The following UBAP2 variants were observed in gnomAD, a reference collection of about 807,000 sequenced individuals.
UBAP2 encodes ubiquitin-associated protein 2.
Under a neutral mutation model 139.6 loss-of-function variants are expected in UBAP2, and 75 were observed. The ratio of observed to expected loss-of-function variants is 0.54; its 90% CI spans 0.45 to 0.65. The LOEUF (loss-of-function observed/expected upper bound fraction) is 0.65, where lower values mean the gene tolerates loss of function less well. Ranked by LOEUF, UBAP2 falls within the 30% of genes least tolerant of loss-of-function variation. The pLI, the probability that UBAP2 is intolerant of heterozygous loss-of-function variation, is 0.00. For synonymous variants in UBAP2, 526 were observed against 526.2 expected, an observed-to-expected ratio of 1.00 and a Z score of 0.01; for missense variants, 1,368 against 1,369.6, an observed-to-expected ratio of 1.00 and a Z score of 0.02.
intron 15 of UBAP2, among the ~76,000 whole-genome samples, chr9:33,942,128 A>G (rs1213108808): frequency 6.6e-6 from 1 of 151,942 alleles, no homozygotes; most frequent in Non-Finnish European, 1.5e-5. Context: ...CCTTGCCAAC[A>G]TGGTGAAACC....
intron 1 of UBAP2, among the ~76,000 whole-genome samples, chr9:34,035,514 A>AAAAAAAAAAAAATATATATATATAT: frequency 4.4e-5 from 1 of 22,490 alleles, no homozygotes; most frequent in Non-Finnish European, 9.8e-5. Context: ...AAAAAAAAAA[A>AAAAAAAAAAAAATATATATATATAT]ATATATATAT....
intron 1 of UBAP2, among the ~76,000 whole-genome samples, chr9:34,044,923 C>A (rs1030229200): frequency 6.6e-6 from 1 of 152,142 alleles, no homozygotes; most frequent in African/African-American, 2.4e-5. Context: ...AACACCTACT[C>A]TACTCCTTAA....
At chr9:34,012,224 T>A (rs10465080) in intron 2 of UBAP2, among the ~76,000 whole-genome samples, 37,626 of 152,140 alleles carry the variant, frequency 0.25, 5,428 homozygotes, top group East Asian at 0.55. Context: ...TATTCCACAA[T>A]CTAATTAGCT....
At chr9:34,034,171 G>T (rs1437585493) in intron 1 of UBAP2, among the ~76,000 whole-genome samples, 1 of 152,130 alleles carries the variant, frequency 6.6e-6, no homozygotes, top group Non-Finnish European at 1.5e-5. Context: ...ATTTATAAAA[G>T]TTCAACATAC....
At chr9:34,008,961 C>CAAAA (rs773189067) in intron 2 of UBAP2, among the ~76,000 whole-genome samples, 1 of 65,716 alleles carries the variant, frequency 1.5e-5, no homozygotes, top group African/African-American at 6.4e-5. Flanking sequence ...GAGACTGTCT[C>CAAAA]AAAAAAAAAA....
At chr9:33,980,507 C>T (rs534180309) in intron 6 of UBAP2, among the ~76,000 whole-genome samples, 2 of 151,804 alleles carry the variant, frequency 1.3e-5, no homozygotes, top group Non-Finnish European at 2.9e-5. Context: ...TCCCAAAGTG[C>T]TGGGATTACA....
intron 4 of UBAP2, chr9:33,995,381 A>G (rs1265109288): frequency 1.4e-5 from 2 of 138,412 alleles, no homozygotes; most frequent in East Asian, 2.4e-4. Context: ...ATATAAATAT[A>G]TATATTAAAT....
At chr9:34,010,794 C>T (rs1197943901) in intron 2 of UBAP2, among the ~76,000 whole-genome samples, 2 of 152,038 alleles carry the variant, frequency 1.3e-5, no homozygotes, top group African/African-American at 4.8e-5. Flanking sequence ...TTATGGATTA[C>T]TTGTGGCTAT....
intron 18 of UBAP2, among the ~76,000 whole-genome samples, chr9:33,933,284 A>G (rs10971802): frequency 0.079 from 11,972 of 152,202 alleles, 669 homozygotes; most frequent in Non-Finnish European, 0.12. Context: ...CTGTGCCAGC[A>G]GAGGCGGTAC....
chr9:34,040,778 G>A (rs1205020772), intron 1 of UBAP2, among the ~76,000 whole-genome samples: 3 of 152,160 alleles, frequency 2.0e-5, no homozygotes, highest in African/African-American at 7.2e-5. Context: ...CATCCACTCT[G>A]TGTATAAGCT....
At chr9:33,974,387 G>T (rs529755695) in intron 6 of UBAP2, among the ~76,000 whole-genome samples, 3 of 152,172 alleles carry the variant, frequency 2.0e-5, no homozygotes, top group African/African-American at 7.2e-5. Flanking sequence ...CATGCCTGTA[G>T]TCCCAACTAC....
At chr9:34,032,705 C>T (rs1212457332) in intron 1 of UBAP2, among the ~76,000 whole-genome samples, 1 of 152,122 alleles carries the variant, frequency 6.6e-6, no homozygotes. Context: ...AGGCGGATCA[C>T]TTGAGGTCCG....
intron 8 of UBAP2, among the ~76,000 whole-genome samples, chr9:33,969,042 T>C (rs372020226): frequency 2.0e-5 from 3 of 152,252 alleles, no homozygotes; most frequent in East Asian, 1.9e-4. Flanking sequence ...CCATTCTATG[T>C]ATATTCTATA....
In UBAP2 at chr9:33,923,453, T is replaced by C. The variant is rs1295888013; in HGVS notation, c.2822A>G (p.His941Arg). The C allele has an allele frequency of 2.5e-6, 4 of 1,613,942 alleles. No homozygotes were observed. Among genetic ancestry groups the C allele is most frequent in the East Asian group, 4.5e-5 (2 of 44,878 alleles). Residue 941 changes from histidine to arginine, a missense_variant, in exon 25 of 29, where the codon CAT becomes CGT. Transcript: ENST00000379238. The part of the protein sequence containing the change: ...MFVPPASAKQ[H>R]GVNLSTPTPP... ...TGTGGGAGTGCTGAGGTTCACCCCA[T>C]GTTGCTTGGCTGAGGCTGGAGGGAC...
chr9:33,985,467 G>A (rs307703), intron 6 of UBAP2, among the ~76,000 whole-genome samples: 16 of 152,100 alleles, frequency 1.1e-4, no homozygotes, highest in African/African-American at 3.9e-4. Flanking sequence ...TATATTTACA[G>A]GTTGGAATAC....
intron 2 of UBAP2, among the ~76,000 whole-genome samples, chr9:34,004,961 TA>T (rs1471121031): frequency 6.6e-6 from 1 of 151,000 alleles, no homozygotes; most frequent in Non-Finnish European, 1.5e-5. Flanking sequence ...ACCTTTTTCT[TA>T]AATCCCATTG....
intron 16 of UBAP2, among the ~76,000 whole-genome samples, chr9:33,939,754 G>A (rs1372875881): frequency 2.7e-5 from 2 of 74,698 alleles, no homozygotes; most frequent in Non-Finnish European, 2.7e-5. Flanking sequence ...GAGAAGGGGG[G>A]GAGGGGGAGG....
At chr9:34,019,919 T>C (rs1472441844) in intron 1 of UBAP2, among the ~76,000 whole-genome samples, 1 of 151,852 alleles carries the variant, frequency 6.6e-6, no homozygotes, top group Admixed American at 6.6e-5. Context: ...CCTAACACTT[T>C]GGGAGGCTGA....
intron 12 of UBAP2, among the ~76,000 whole-genome samples, chr9:33,950,015 T>G (rs961762362): frequency 1.3e-4 from 20 of 152,188 alleles, no homozygotes; most frequent in African/African-American, 4.8e-4. Flanking sequence ...CATTTTTACA[T>G]ATCAAGATCA....
Sources: allele counts gnomAD v4.1 joint callset (sites outside exome capture counted in the v4.1 genomes callset), GRCh38; gene constraint gnomAD v4.1.1; transcripts MANE v1.5; gene names NCBI Gene and HGNC (gene_info 2026-07-23, HGNC 2026-07-21).